VAT1L: variants seen among roughly 807,000 people sequenced by gnomAD.
VAT1L encodes the protein vesicle amine transport 1 like, also known as putative NADPH-dependent quinone oxidoreductase VAT1L.
VAT1L carries 34 observed loss-of-function variants against 44.1 expected under a neutral mutation model. The ratio of observed to expected loss-of-function variants is 0.77; its 90% confidence interval spans 0.59 to 1.03. VAT1L has a LOEUF of 1.03. Among genes scored for constraint, VAT1L ranks in the 50% least tolerant of loss-of-function variants. The pLI is 0.00. For synonymous variants in VAT1L, 253 were observed against 202.2 expected, an observed-to-expected ratio of 1.25 and a Z score of -2.13; for missense variants, 615 against 538.8, an observed-to-expected ratio of 1.14 and a Z score of -1.40.
In VAT1L at chr16:77,978,616, A is replaced by T. The variant is rs1219822024; in HGVS notation, c.*921A>T. 2.0e-5 allele frequency: 3 copies of T among 152,222 alleles called. No individual in the cohort carries two copies. Among genetic ancestry groups the T allele is most frequent in the African/African-American group, 4.8e-5 (2 of 41,470 alleles). The allele number at this position is 152,222 out of a possible 1,614,324, so 9.4% of individuals were successfully genotyped here. On this transcript the variant is annotated 3_prime_UTR_variant, in exon 9 of 9. Coordinates refer to ENST00000302536, the MANE Select transcript of VAT1L (RefSeq NM_020927.3). ...TTCCCAAAGAAGAGTTCCTTTGCAG[A>T]CCATAGGTGGAAAAGTCAATGAGCA... is the stretch of plus-strand genomic sequence containing the variant.
chr16:77,864,204 T>C (rs1350652368), intron 4 of VAT1L, among the ~76,000 whole-genome samples: 1 of 152,184 alleles, frequency 6.6e-6, no homozygotes, highest in East Asian at 1.9e-4. Flanking sequence ...TCCGAGAGGA[T>C]TCAGATTTGG....
intron 3 of VAT1L, among the ~76,000 whole-genome samples, chr16:77,834,129 G>A (rs2016613555): frequency 6.6e-6 from 1 of 152,170 alleles, no homozygotes; most frequent in Non-Finnish European, 1.5e-5. Context: ...ATTGTTCTCA[G>A]GACAAGTTCA....
intron 7 of VAT1L, among the ~76,000 whole-genome samples, chr16:77,917,524 A>T (rs1219439547): frequency 6.6e-6 from 1 of 152,178 alleles, no homozygotes; most frequent in Non-Finnish European, 1.5e-5. Flanking sequence ...TGCAATTAAG[A>T]AAGCACTTTT....
At chr16:77,824,342 G>A (rs2016493640) in intron 2 of VAT1L, among the ~76,000 whole-genome samples, 1 of 152,180 alleles carries the variant, frequency 6.6e-6, no homozygotes, top group Non-Finnish European at 1.5e-5. Context: ...CTGAAGATGG[G>A]TGGACAAGAA....
intron 7 of VAT1L, among the ~76,000 whole-genome samples, chr16:77,919,672 C>A (rs902686804): frequency 3.3e-5 from 5 of 152,224 alleles, no homozygotes; most frequent in Non-Finnish European, 4.4e-5. Flanking sequence ...ACAAAATATC[C>A]CTCGCTTTCT....
intron 1 of VAT1L, among the ~76,000 whole-genome samples, chr16:77,789,941 G>A (rs541015135): frequency 2.8e-4 from 42 of 152,276 alleles, no homozygotes; most frequent in African/African-American, 1.0e-3. Flanking sequence ...TGTTAAACTT[G>A]TAAGGGGAAC....
At chr16:77,923,955 C>G (rs763556206) in intron 7 of VAT1L, among the ~76,000 whole-genome samples, 28 of 152,182 alleles carry the variant, frequency 1.8e-4, no homozygotes, top group Admixed American at 6.5e-4. Flanking sequence ...GCCTTCCCCC[C>G]CTCCCTTCCC....
At chr16:77,942,924 T>C (rs1488550159) in intron 7 of VAT1L, among the ~76,000 whole-genome samples, 1 of 151,114 alleles carries the variant, frequency 6.6e-6, no homozygotes, top group Non-Finnish European at 1.5e-5. Context: ...TTTGTACTTT[T>C]AGTAGAGACA....
At chr16:77,885,869 A>C (rs923764714) in intron 7 of VAT1L, among the ~76,000 whole-genome samples, 1 of 152,214 alleles carries the variant, frequency 6.6e-6, no homozygotes, top group African/African-American at 2.4e-5. Context: ...TTTGGGGGTC[A>C]CTGTATATTC....
intron 7 of VAT1L, among the ~76,000 whole-genome samples, chr16:77,966,060 A>C (rs1053074828): frequency 6.6e-6 from 1 of 152,200 alleles, no homozygotes; most frequent in African/African-American, 2.4e-5. Context: ...GTAAATTATT[A>C]CTTCATTATA....
chr16:77,828,026 G>A (rs1026280287), intron 3 of VAT1L, among the ~76,000 whole-genome samples: 1 of 152,208 alleles, frequency 6.6e-6, no homozygotes, highest in Non-Finnish European at 1.5e-5. Context: ...AGACGGGCTG[G>A]TCTCTTTGAA....
At chr16:77,807,122 G>A (rs887862298) in intron 1 of VAT1L, among the ~76,000 whole-genome samples, 1 of 152,188 alleles carries the variant, frequency 6.6e-6, no homozygotes, top group Admixed American at 6.5e-5. Context: ...GTGCAAAGGA[G>A]CCTCATAAAA....
intron 7 of VAT1L, among the ~76,000 whole-genome samples, chr16:77,965,325 T>C (rs2018211781): frequency 6.6e-6 from 1 of 152,200 alleles, no homozygotes; most frequent in Non-Finnish European, 1.5e-5. Context: ...GTTAGAATGA[T>C]ATTACCAACT....
At chr16:77,821,469 T>G (rs1951971634) in intron 2 of VAT1L, among the ~76,000 whole-genome samples, 1 of 152,196 alleles carries the variant, frequency 6.6e-6, no homozygotes, top group African/African-American at 2.4e-5. Flanking sequence ...TTTTCTGTAT[T>G]TTTAGTAGAG....
At chr16:77,792,002 G>A (rs939879634) in intron 1 of VAT1L, among the ~76,000 whole-genome samples, 5 of 152,156 alleles carry the variant, frequency 3.3e-5, no homozygotes, top group African/African-American at 1.2e-4. Context: ...TTGAATATAA[G>A]CTTAAGCCTC....
At chr16:77,930,597 G>T (rs764098582) in intron 7 of VAT1L, among the ~76,000 whole-genome samples, 5 of 152,146 alleles carry the variant, frequency 3.3e-5, no homozygotes, top group Admixed American at 6.5e-5. Flanking sequence ...CTCAAGGTAG[G>T]TTCCGTAGCA....
chr16:77,950,613 G>T (rs2018031414), intron 7 of VAT1L, among the ~76,000 whole-genome samples: 1 of 152,148 alleles, frequency 6.6e-6, no homozygotes, highest in South Asian at 2.1e-4. Context: ...TCATGTTAAT[G>T]AGAAATGGGA....
intron 7 of VAT1L, among the ~76,000 whole-genome samples, chr16:77,943,806 G>A (rs919313610): frequency 6.6e-6 from 1 of 152,130 alleles, no homozygotes; most frequent in African/African-American, 2.4e-5. Context: ...AGAGCATAGG[G>A]CTCTCACATA....
At chr16:77,959,663 C>G (rs145093787) in intron 7 of VAT1L, among the ~76,000 whole-genome samples, 3 of 152,222 alleles carry the variant, frequency 2.0e-5, no homozygotes, top group African/African-American at 7.2e-5. Flanking sequence ...CATTTGTACC[C>G]TAATGACTTT....
Sources: gnomAD v4.1 joint callset for allele counts (sites outside exome capture counted in the v4.1 genomes callset) on GRCh38, gnomAD v4.1.1 for gene constraint, MANE v1.5 for transcripts, NCBI Gene and HGNC (gene_info 2026-07-23, HGNC 2026-07-21) for gene names.